CCDC30: variants seen among roughly 807,000 people sequenced by gnomAD.
CCDC30 encodes coiled-coil domain-containing protein 30.
In CCDC30, 70 loss-of-function variants were observed where a neutral mutation model predicts 100.2. The observed-to-expected ratio is 0.70, with a 90% CI of 0.58 to 0.85. CCDC30 has a LOEUF of 0.85. Among genes scored for constraint, CCDC30 ranks in the 40% least tolerant of loss-of-function variants. The probability of loss-of-function intolerance (pLI) is 0.00; values close to 1 mark genes in which losing one functional copy is unlikely to be tolerated. For missense variants in CCDC30, 652 were observed against 771.2 expected (o/e 0.85, Z 1.83); for synonymous variants, 233 against 269.5 (o/e 0.86, Z 1.33).
At chr1:42,456,480 C>G in the CCDC30 span, 3 of 1,366,038 alleles carry the variant, frequency 2.2e-6, no homozygotes, top group Non-Finnish European at 1.9e-6. Context: ...CCACTCAGTA[C>G]GGCGCGGCGC....
chr1:42,467,048 G>A, intron 1 of CCDC30, among the ~76,000 whole-genome samples: 1 of 152,176 alleles, frequency 6.6e-6, no homozygotes, highest in Non-Finnish European at 1.5e-5. Flanking sequence ...AGAGTGACCT[G>A]AATGTCAAAA....
chr1:42,602,506 A>G (rs1282516085), intron 10 of CCDC30, among the ~76,000 whole-genome samples: 1 of 152,226 alleles, frequency 6.6e-6, no homozygotes, highest in African/African-American at 2.4e-5. Flanking sequence ...AATCATCAAT[A>G]AATATTATGA....
chr1:42,541,587 A>G (rs1645013032), intron 6 of CCDC30, among the ~76,000 whole-genome samples: 1 of 152,162 alleles, frequency 6.6e-6, no homozygotes, highest in South Asian at 2.1e-4. Flanking sequence ...AACTTGGATC[A>G]TTTGGTTAAG....
chr1:42,541,977 T>G (rs1645020480), intron 6 of CCDC30, among the ~76,000 whole-genome samples: 1 of 152,242 alleles, frequency 6.6e-6, no homozygotes, highest in African/African-American at 2.4e-5. Flanking sequence ...GATATTAGAC[T>G]GCTGCCAAGT....
chr1:42,499,003 CATTTGCT>C, intron 6 of CCDC30, 87 bp downstream of exon 6: 1 of 604,448 alleles, frequency 1.7e-6, no homozygotes, highest in Non-Finnish European at 2.4e-6. Context: ...TGGTGCTAAT[CATTTGCT>C]ACTCTTTCTT....
intron 7 of CCDC30, among the ~76,000 whole-genome samples, chr1:42,569,418 C>G (rs1645683901): frequency 6.6e-6 from 1 of 152,078 alleles, no homozygotes. Context: ...AAATCAAAAC[C>G]ACAATGAGAT....
intron 1 of CCDC30, among the ~76,000 whole-genome samples, chr1:42,478,800 C>A (rs764462398): frequency 2.2e-4 from 33 of 151,920 alleles, no homozygotes; most frequent in East Asian, 1.2e-3. Flanking sequence ...ACTGCGCCCC[C>A]CCAAGATACC....
At chr1:42,618,253 T>TTTTTTTA (rs1646762865) in intron 11 of CCDC30, among the ~76,000 whole-genome samples, 2 of 146,874 alleles carry the variant, frequency 1.4e-5, no homozygotes, top group African/African-American at 2.6e-5. Context: ...TTTTTTTTTT[T>TTTTTTTA]GAGATGGAGT....
At chr1:42,630,925 G>T (rs1335257790) in intron 11 of CCDC30, among the ~76,000 whole-genome samples, 1 of 151,982 alleles carries the variant, frequency 6.6e-6, no homozygotes, top group African/African-American at 2.4e-5. Flanking sequence ...TGAATTTTCT[G>T]TCTGAAAGGT....
At chr1:42,597,754 C>T (rs888832649) in intron 10 of CCDC30, among the ~76,000 whole-genome samples, 4 of 152,124 alleles carry the variant, frequency 2.6e-5, no homozygotes, top group Admixed American at 6.6e-5. Context: ...CACTATACCA[C>T]TTCAGGAGGC....
chr1:42,548,996 T>C (rs1178318288), intron 6 of CCDC30, among the ~76,000 whole-genome samples: 1 of 152,202 alleles, frequency 6.6e-6, no homozygotes, highest in Admixed American at 6.5e-5. Context: ...TTTTTCTGTT[T>C]ATAGTTCTTT....
Position 42,644,299 on chromosome 1 carries a change from G to C in CCDC30, c.1557-394G>C, listed in dbSNP as rs2148689115. On this transcript the variant is annotated intron_variant, in intron 13 of 16. Transcript: ENST00000668663. Reference sequence around the variant, plus strand: ...TGAGGGCAGGAAGCATCCAGCATGGGAGAAAGATGTAAACTGGGAGGAGAG... The same window carrying C: ...TGAGGGCAGGAAGCATCCAGCATGGCAGAAAGATGTAAACTGGGAGGAGAG... Among the ~76,000 whole-genome samples the C allele has an allele frequency of 2.6e-5, 4 of 152,248 alleles. No individual in the cohort carries two copies. In the South Asian group the frequency reaches 8.3e-4, roughly 32 times the overall value.
chr1:42,546,095 C>A (rs1053189171), intron 6 of CCDC30, among the ~76,000 whole-genome samples: 6 of 151,386 alleles, frequency 4.0e-5, no homozygotes, highest in Non-Finnish European at 7.4e-5. Context: ...CGAATGTATG[C>A]GGCCTGTTAC....
intron 12 of CCDC30, among the ~76,000 whole-genome samples, chr1:42,639,499 C>A (rs934911757): frequency 6.6e-6 from 1 of 152,204 alleles, no homozygotes; most frequent in Non-Finnish European, 1.5e-5. Flanking sequence ...CAAAGAACCA[C>A]AGGTCTTCAT....
chr1:42,604,552 T>C (rs1646467743), intron 10 of CCDC30, among the ~76,000 whole-genome samples: 1 of 152,198 alleles, frequency 6.6e-6, no homozygotes, highest in African/African-American at 2.4e-5. Context: ...ACACTGTGAT[T>C]TTAAACTCCA....
chr1:42,570,945 G>C (rs1362202703), intron 7 of CCDC30: 2 of 152,176 alleles, frequency 1.3e-5, no homozygotes, highest in Admixed American at 6.5e-5. Context: ...GCAGATTGCT[G>C]CTTTGTCACC....
chr1:42,459,986 CA>C (rs199853153), upstream of CCDC30: 4 of 1,503,842 alleles, frequency 2.7e-6, no homozygotes, highest in Non-Finnish European at 1.8e-6. Context: ...GTGAAAACTA[CA>C]AAAAAAACCA....
At chr1:42,490,608 C>T (rs1460018843) in intron 4 of CCDC30, among the ~76,000 whole-genome samples, 4 of 151,926 alleles carry the variant, frequency 2.6e-5, no homozygotes, top group African/African-American at 9.7e-5. Flanking sequence ...GGTACTCTGC[C>T]AGGCACTTCA....
At chr1:42,616,405 A>G (rs1289537421) in intron 11 of CCDC30, among the ~76,000 whole-genome samples, 1 of 152,340 alleles carries the variant, frequency 6.6e-6, no homozygotes, top group African/African-American at 2.4e-5. Context: ...GTGTGATTCT[A>G]ATGTGCATCC....
Sources: allele counts gnomAD v4.1 joint callset (sites outside exome capture counted in the v4.1 genomes callset), GRCh38; gene constraint gnomAD v4.1.1; transcripts MANE v1.5; gene names NCBI Gene and HGNC (gene_info 2026-07-23, HGNC 2026-07-21).